The following KCNU1 variants were observed in gnomAD, a reference collection of about 807,000 sequenced individuals.
KCNU1 encodes potassium channel subfamily U member 1.
KCNU1 carries 93 observed loss-of-function variants against 126.8 expected under a neutral mutation model. The observed-to-expected ratio is 0.73, with a 90% CI of 0.62 to 0.87. The LOEUF (loss-of-function observed/expected upper bound fraction) is 0.87, where lower values mean the gene tolerates loss of function less well. Ranked by LOEUF, KCNU1 falls within the 40% of genes least tolerant of loss-of-function variation. The probability of loss-of-function intolerance (pLI) is 0.00; values close to 1 mark genes in which losing one functional copy is unlikely to be tolerated. For synonymous variants in KCNU1, 523 were observed against 494.2 expected (o/e 1.06, Z -0.77); for missense variants, 1,330 against 1,367.1 (o/e 0.97, Z 0.43).
intron 19 of KCNU1, chr8:36,889,389 T>C: frequency 2.6e-6 from 1 of 384,612 alleles, no homozygotes; most frequent in South Asian, 2.0e-5. Context: ...CACCAGAGAT[T>C]AAGACAAATG....
chr8:36,806,590 A>G (rs1181798397), intron 5 of KCNU1, among the ~76,000 whole-genome samples: 1 of 152,188 alleles, frequency 6.6e-6, no homozygotes, highest in Non-Finnish European at 1.5e-5. Flanking sequence ...GGTGTTCAAT[A>G]GTTGTTGATA....
At chr8:36,928,420 C>T (rs553458316) in intron 24 of KCNU1, among the ~76,000 whole-genome samples, 2 of 152,056 alleles carry the variant, frequency 1.3e-5, no homozygotes, top group African/African-American at 4.8e-5. Context: ...TCCACTCTCC[C>T]GCTCCCAGCC....
chr8:36,887,189 G>T (rs1372677714), intron 19 of KCNU1, among the ~76,000 whole-genome samples: 1 of 152,126 alleles, frequency 6.6e-6, no homozygotes, highest in African/African-American at 2.4e-5. Flanking sequence ...GAATTGAATG[G>T]TAGATCTGCT....
intron 18 of KCNU1, among the ~76,000 whole-genome samples, chr8:36,863,184 G>T (rs1170522184): frequency 6.6e-6 from 1 of 152,082 alleles, no homozygotes; most frequent in Non-Finnish European, 1.5e-5. Flanking sequence ...GATTAGAATG[G>T]TTCAGAAAAT....
At chr8:36,905,137 A>G (rs1466496261) in intron 19 of KCNU1, among the ~76,000 whole-genome samples, 1 of 152,188 alleles carries the variant, frequency 6.6e-6, no homozygotes, top group African/African-American at 2.4e-5. Context: ...CATGGGGATG[A>G]CATTGCCAAG....
At chr8:36,832,528 C>T (rs1445209268) in intron 10 of KCNU1, among the ~76,000 whole-genome samples, 1 of 151,996 alleles carries the variant, frequency 6.6e-6, no homozygotes, top group East Asian at 1.9e-4. Context: ...CAGTTATTTG[C>T]TGTCTACTTT....
At position 36,828,390 on chromosome 8, in the gene KCNU1, A is replaced by G. The variant is rs552381207; in HGVS notation, c.1107-5164A>G. The stretch of plus-strand genomic sequence containing the variant: ...ACTGTATAATCCTCCCCATATTTCA[A>G]CCTATGGTCAATTTTTTAAATATCA... On this transcript the variant is annotated intron_variant, in intron 10 of 26. Transcript: ENST00000399881. Among the ~76,000 whole-genome samples, 7 of 152,170 alleles carry G rather than the reference A, an allele frequency of 4.6e-5. 1 individual carries two copies. In the East Asian group the frequency reaches 9.6e-4, roughly 21 times the overall value.
At position 36,796,063 on chromosome 8, in the gene KCNU1, C is replaced by T. The variant is rs574767985; in HGVS notation, c.316-7964C>T. ...CTTTGGCTATATCTCAGAGACTCTG[C>T]AAGTAATGCTCTTATTTTTATTGAT... On this transcript the variant is annotated intron_variant, in intron 2 of 26. Coordinates refer to ENST00000399881, the MANE Select transcript of KCNU1 (RefSeq NM_001031836.3). Among the ~76,000 whole-genome samples the T allele has an allele frequency of 3.3e-5, 5 of 152,302 alleles. No homozygotes were observed. The South Asian group carries it at 6.2e-4, about 19-fold the overall frequency.
At chr8:36,831,231 G>C (rs1011302099) in intron 10 of KCNU1, among the ~76,000 whole-genome samples, 1 of 151,926 alleles carries the variant, frequency 6.6e-6, no homozygotes, top group Non-Finnish European at 1.5e-5. Context: ...GTGTGCATGT[G>C]TCTTTATAGC....
chr8:36,904,827 G>A (rs552444952), intron 19 of KCNU1, among the ~76,000 whole-genome samples: 5 of 152,236 alleles, frequency 3.3e-5, no homozygotes, highest in South Asian at 4.1e-4. Flanking sequence ...CTGTGTGGAG[G>A]AGAGACACCT....
intron 19 of KCNU1, among the ~76,000 whole-genome samples, chr8:36,897,382 A>C (rs1807238759): frequency 6.6e-6 from 1 of 152,012 alleles, no homozygotes; most frequent in Admixed American, 6.6e-5. Flanking sequence ...AACATTTACA[A>C]GGAAATAAAT....
At chr8:36,885,808 G>GA (rs1282524658) in intron 19 of KCNU1, among the ~76,000 whole-genome samples, 3 of 151,868 alleles carry the variant, frequency 2.0e-5, no homozygotes, top group Non-Finnish European at 4.4e-5. Flanking sequence ...AAAGAAAAAG[G>GA]AAAAAAGAAA....
At chr8:36,900,146 A>T (rs1025205207) in intron 19 of KCNU1, among the ~76,000 whole-genome samples, 2 of 135,994 alleles carry the variant, frequency 1.5e-5, no homozygotes, top group Non-Finnish European at 3.3e-5. Flanking sequence ...TTAAGTGGCT[A>T]AGCTGGATGC....
intron 6 of KCNU1, 67 bp downstream of exon 6, chr8:36,807,517 G>T: frequency 9.0e-7 from 1 of 1,114,330 alleles, no homozygotes; most frequent in South Asian, 1.3e-5. Flanking sequence ...GTATTAACTG[G>T]ACCCTAAACT....
rs1219548356 is a variant in KCNU1 at position 36,817,777 on chromosome 8, G to A, written c.1106+17G>A. 4 of 1,225,968 alleles carry A rather than the reference G, an allele frequency of 3.3e-6. No individual in the cohort carries two copies. The highest frequency in any genetic ancestry group is 4.8e-6 in the Non-Finnish European group (4 of 826,922). 75.9% of individuals were successfully genotyped at this position (1,225,968 alleles called of 1,614,324 possible). On this transcript the variant is annotated intron_variant, in intron 10 of 26. Coordinates refer to ENST00000399881, the MANE Select transcript of KCNU1 (RefSeq NM_001031836.3). ...CCTGGGAGAGTAAGTATATCTGTAT[G>A]GCTCATGGGTTCTAAATTAATACTT...
At chr8:36,839,706 A>G (rs1043768649) in intron 14 of KCNU1, among the ~76,000 whole-genome samples, 3 of 152,182 alleles carry the variant, frequency 2.0e-5, no homozygotes, top group African/African-American at 4.8e-5. Context: ...ACGTTTAGAA[A>G]TTCAAGATTT....
intron 22 of KCNU1, among the ~76,000 whole-genome samples, chr8:36,918,471 C>T (rs757108761): frequency 3.3e-5 from 5 of 151,586 alleles, no homozygotes; most frequent in African/African-American, 4.8e-5. Context: ...AGCAGGATCA[C>T]TTGAGCTCAG....
intron 21 of KCNU1, 35 bp from the exon 22 acceptor site, chr8:36,910,895 C>G (rs532028828): frequency 2.1e-6 from 3 of 1,461,016 alleles, no homozygotes; most frequent in South Asian, 2.5e-5. Flanking sequence ...TCCCTCCATC[C>G]GACCAGTGCC....
chr8:36,881,238 T>G (rs1169756760), intron 19 of KCNU1, among the ~76,000 whole-genome samples: 3 of 152,142 alleles, frequency 2.0e-5, no homozygotes, highest in African/African-American at 7.2e-5. Context: ...CCAACTGTTT[T>G]TTTGTTTGTT....
Sources: gnomAD v4.1 joint callset for allele counts (sites outside exome capture counted in the v4.1 genomes callset) on GRCh38, gnomAD v4.1.1 for gene constraint, MANE v1.5 for transcripts, NCBI Gene and HGNC (gene_info 2026-07-23, HGNC 2026-07-21) for gene names.